JOSD1: variants seen among roughly 807,000 people sequenced by gnomAD.
JOSD1 encodes Josephin domain containing 1.
JOSD1 carries 11 observed loss-of-function variants against 24.3 expected under a neutral mutation model. That is an observed-to-expected ratio of 0.45 (90% CI 0.29 to 0.75). JOSD1 has a LOEUF of 0.75. Among genes scored for constraint, JOSD1 ranks in the 30% least tolerant of loss-of-function variants. The pLI is 0.11. For synonymous variants in JOSD1, 106 were observed against 93.8 expected (o/e 1.13, Z -0.75); for missense variants, 184 against 253.5 (o/e 0.73, Z 1.86).
intron 4 of JOSD1, 36 bp from the exon 5 acceptor site, chr22:38,688,037 CAAGTTGCA>C: frequency 6.6e-7 from 1 of 1,518,498 alleles, no homozygotes; most frequent in Non-Finnish European, 9.1e-7. Flanking sequence ...GAAATGCTGG[CAAGTTGCA>C]AATTCCAGTC....
At chr22:38,692,463 G>A (rs1431821181) in intron 2 of JOSD1, among the ~76,000 whole-genome samples, 3 of 152,084 alleles carry the variant, frequency 2.0e-5, no homozygotes, top group Non-Finnish European at 1.5e-5. Flanking sequence ...GCTCTCCATG[G>A]GTACTCACAC....
rs200471507 is a variant in JOSD1, at chr22:38,698,993, G to GT, written c.185+809dup. Among the ~76,000 whole-genome samples the GT allele has an allele frequency of 5.6e-3, 858 of 152,262 alleles. 8 individuals carry two copies. The highest frequency in any genetic ancestry group is 0.02 in the Admixed American group (307 of 15,302). On this transcript the variant is annotated intron_variant, in intron 2 of 4. Transcript: ENST00000683374. ...GCTGGTCTCAAACTCCTGAACTCAG[G>GT]TGATCTGCCCTCCTCGGCCTCCCAA...
Position 38,689,153 on chromosome 22 carries a change from GC to G in JOSD1, c.315-25del, listed in dbSNP as rs1224822964. 2.5e-6 allele frequency: 4 copies of G among 1,606,304 alleles called. No homozygotes were observed. The East Asian group carries it at 6.7e-5, about 27-fold the overall frequency. On this transcript the variant is annotated intron_variant, in intron 3 of 4. Coordinates refer to ENST00000683374, the MANE Select transcript of JOSD1 (RefSeq NM_001360236.2). ...CCCTGCAGGGGAGAAATGGTGGCAG[GC>G]TCTGATGCAGCCCATTTTCCAAGGT...
At chr22:38,696,793 C>T (rs1255251668) in intron 2 of JOSD1, among the ~76,000 whole-genome samples, 2 of 152,206 alleles carry the variant, frequency 1.3e-5, no homozygotes, top group East Asian at 3.8e-4. Context: ...TTCCTATTCA[C>T]TTGTAAGCAT....
chr22:38,700,019 A>C lies in JOSD1; in HGVS notation c.-32T>G, dbSNP rs752835759. ...TGTTTTAGGTTCCAGAGATGGCTAT[A>C]AACACCCCACTCTTCCCTCTAGAGG... On this transcript the variant is annotated 5_prime_UTR_variant, in exon 2 of 5. Coordinates refer to ENST00000683374, the MANE Select transcript of JOSD1 (RefSeq NM_001360236.2). 2 of 1,557,522 alleles carry C rather than the reference A, an allele frequency of 1.3e-6. No homozygotes were observed. Among genetic ancestry groups the C allele is most frequent in the Admixed American group, 3.9e-5 (2 of 51,400 alleles).
At chr22:38,699,653 A>G (rs1266572403) in intron 2 of JOSD1, 150 bp downstream of exon 2, 24 of 731,246 alleles carry the variant, frequency 3.3e-5, no homozygotes, top group South Asian at 5.3e-5. Flanking sequence ...AATGGTAGTG[A>G]TTATCTTTTC....
At chr22:38,697,343 C>T (rs939113214) in intron 2 of JOSD1, among the ~76,000 whole-genome samples, 1 of 152,220 alleles carries the variant, frequency 6.6e-6, no homozygotes, top group East Asian at 1.9e-4. Context: ...AGAATACATG[C>T]CCTTATGTGC....
At chr22:38,691,311 G>A (rs1169254886) in intron 2 of JOSD1, among the ~76,000 whole-genome samples, 2 of 149,104 alleles carry the variant, frequency 1.3e-5, no homozygotes, top group Non-Finnish European at 3.0e-5. Context: ...GCTGTGGTGA[G>A]CCATGACTGC....
At chr22:38,695,511 G>T (rs1181060233) in intron 2 of JOSD1, among the ~76,000 whole-genome samples, 2 of 144,952 alleles carry the variant, frequency 1.4e-5, no homozygotes, top group African/African-American at 5.1e-5. Context: ...GCAGTGGCAC[G>T]AACATGGCTC....
Position 38,700,157 on chromosome 22 carries a change from A to G in JOSD1, c.-170T>C. On this transcript the variant is annotated 5_prime_UTR_variant, in exon 2 of 5. Coordinates refer to ENST00000683374, the MANE Select transcript of JOSD1 (RefSeq NM_001360236.2). Reference sequence around the variant, plus strand: ...AAAGATTGGAATCAAAAGGAAAAAAATAAAACCCACCTCTTCTCTCTTCTC... The same window carrying G: ...AAAGATTGGAATCAAAAGGAAAAAAGTAAAACCCACCTCTTCTCTCTTCTC... 7.5e-7 allele frequency: 1 copy of G among 1,335,914 alleles called. No individual in the cohort carries two copies. Among genetic ancestry groups the G allele is most frequent in the East Asian group, 2.9e-5 (1 of 33,988 alleles). 82.8% of individuals were successfully genotyped at this position (1,335,914 alleles called of 1,614,324 possible).
chr22:38,696,305 T>C (rs1374624746), intron 2 of JOSD1, among the ~76,000 whole-genome samples: 1 of 151,918 alleles, frequency 6.6e-6, no homozygotes, highest in Non-Finnish European at 1.5e-5. Context: ...TGGTGCGATC[T>C]TGGCTCACTG....
chr22:38,700,714 A>C, intron 1 of JOSD1, 86 bp downstream of exon 1: 1 of 977,892 alleles, frequency 1.0e-6, no homozygotes, highest in Non-Finnish European at 1.2e-6. Context: ...CGCGCGGCGA[A>C]GGGCTGGCCC....
chr22:38,689,374 T>C lies in JOSD1; in HGVS notation c.236A>G (p.Asn79Ser). The C allele has an allele frequency of 6.2e-7, 1 of 1,614,230 alleles. No individual in the cohort carries two copies. The highest frequency in any genetic ancestry group is 8.5e-7 in the Non-Finnish European group (1 of 1,180,042). The change falls in exon 3 of 5, where the codon AAT becomes AGT. Residue 79 changes from asparagine to serine, a missense_variant. Transcript: ENST00000683374. ...AATGACATTCACATCGTAGTTGCCA[T>C]TTCCCAGCATGCTCTTCTTGTGAGG... ...VTPHKKSMLGNGNYDVNVIMA... is the reference protein window; with the variant it reads ...VTPHKKSMLGSGNYDVNVIMA...
At chr22:38,698,492 T>C (rs2092554265) in intron 2 of JOSD1, among the ~76,000 whole-genome samples, 1 of 152,222 alleles carries the variant, frequency 6.6e-6, no homozygotes, top group Admixed American at 6.5e-5. Context: ...TTCTGGTCCC[T>C]ATGTGGCAAC....
In JOSD1 at chr22:38,700,839, C is replaced by T. The variant is rs538871639; in HGVS notation, c.-671G>A. The T allele has an allele frequency of 1.8e-5, 18 of 984,708 alleles. No homozygotes were observed. The South Asian group carries it at 7.5e-4, about 41-fold the overall frequency. 61.0% of individuals were successfully genotyped at this position (984,708 alleles called of 1,614,324 possible). A position where few individuals can be genotyped will look rare whatever the true frequency, so the allele number is the denominator to read the frequency against. On this transcript the variant is annotated 5_prime_UTR_variant, in exon 1 of 5. Coordinates refer to ENST00000683374, the MANE Select transcript of JOSD1 (RefSeq NM_001360236.2). ...CGTGAGCGCAGGCCCAGACGCCCTC[C>T]CGCCGCGCCCCCGGCCGCAGACCCC...
intron 1 of JOSD1, 87 bp from the exon 2 acceptor site, chr22:38,700,705 G>A: frequency 2.0e-6 from 2 of 977,364 alleles, no homozygotes; most frequent in South Asian, 4.7e-5. Context: ...GGAAGGTTCC[G>A]CGCGGCGAAG....
rs189823225 is a variant in JOSD1, at chr22:38,699,868, G to C, written c.120C>G (p.Ala40=). The change falls in exon 2 of 5, where the codon GCC becomes GCG. Residue 40 remains alanine, a synonymous_variant. Transcript: ENST00000683374. Reference sequence around the variant, plus strand: ...TGCTGTCCTGGAAGACGTTATTGAGGGCGTGGAGGGCACAAAGCTCCCTGC... The same window carrying C: ...TGCTGTCCTGGAAGACGTTATTGAGCGCGTGGAGGGCACAAAGCTCCCTGC... The part of the protein sequence containing the change: ...KQRRELCALH[A]LNNVFQDSNA... 3 of 1,614,096 alleles carry C rather than the reference G, an allele frequency of 1.9e-6. No individual in the cohort carries two copies. The African/African-American group carries it at 4.0e-5, about 22-fold the overall frequency.
chr22:38,690,246 G>A (rs191657370), intron 2 of JOSD1, among the ~76,000 whole-genome samples: 1 of 152,146 alleles, frequency 6.6e-6, no homozygotes, highest in Non-Finnish European at 1.5e-5. Context: ...GAAGTGTGGC[G>A]AGTTCCTCAG....
At chr22:38,690,940 A>G (rs1003251125) in intron 2 of JOSD1, among the ~76,000 whole-genome samples, 21 of 152,086 alleles carry the variant, frequency 1.4e-4, no homozygotes, top group African/African-American at 5.1e-4. Context: ...TAACTGCTTG[A>G]ACGTAGGAGG....
Sources: allele counts gnomAD v4.1 joint callset (sites outside exome capture counted in the v4.1 genomes callset), GRCh38; gene constraint gnomAD v4.1.1; transcripts MANE v1.5; gene names NCBI Gene and HGNC (gene_info 2026-07-23, HGNC 2026-07-21).